The following MRPL37 variants were observed in gnomAD, a reference collection of about 807,000 sequenced individuals.
The protein encoded by MRPL37 is large ribosomal subunit protein mL37.
MRPL37 carries 34 observed loss-of-function variants against 44.1 expected under a neutral mutation model. That is an observed-to-expected ratio of 0.77 (90% CI 0.59 to 1.03). MRPL37 has a LOEUF of 1.03. Ranked by LOEUF, MRPL37 falls within the 50% of genes least tolerant of loss-of-function variation. MRPL37 has a pLI of 0.00. For missense variants in MRPL37, 532 were observed against 543.7 expected, an observed-to-expected ratio of 0.98 and a Z score of 0.21; for synonymous variants, 212 against 219.5, an observed-to-expected ratio of 0.97 and a Z score of 0.30.
chr1:54,225,313 C>G, downstream of MRPL37: 1 of 1,234,074 alleles, frequency 8.1e-7, no homozygotes, highest in Non-Finnish European at 1.0e-6. Flanking sequence ...GCAGACGCCT[C>G]AAACACAAAA....
At chr1:54,219,163 G>T (rs1013672835), downstream of MRPL37, among the ~76,000 whole-genome samples, 11 of 152,262 alleles carry the variant, frequency 7.2e-5, no homozygotes, top group Non-Finnish European at 1.6e-4. Flanking sequence ...AGGCAAGGGA[G>T]TTGAGCCTTC....
intron 5 of MRPL37, 142 bp downstream of exon 5, chr1:54,212,800 C>T: frequency 8.4e-7 from 1 of 1,184,404 alleles, no homozygotes; most frequent in South Asian, 1.5e-5. Flanking sequence ...TTCAGCCCAC[C>T]CTGTGGAGAT....
chr1:54,220,687 T>C, downstream of MRPL37: 2 of 471,540 alleles, frequency 4.2e-6, no homozygotes, highest in Non-Finnish European at 8.8e-6. Context: ...GGAGAGGAAG[T>C]GATGCAGCGG....
intron 3 of MRPL37, among the ~76,000 whole-genome samples, chr1:54,207,041 C>T (rs1018494240): frequency 3.9e-5 from 6 of 152,190 alleles, no homozygotes; most frequent in Non-Finnish European, 7.3e-5. Flanking sequence ...CGTGAGCCAC[C>T]GTGCTTGGCC....
Position 54,216,229 on chromosome 1 carries a change from A to G in MRPL37, c.1079A>G (p.Asn360Ser). Residue 360 changes from asparagine to serine, a missense_variant, in exon 6 of 7, where the codon AAT becomes AGT. Transcript: ENST00000360840. ...TTCCATTTCCTAGTGTTTCAACTGAATACCACAGACCTGGACTGTAACGAG... is the reference window on the plus strand; with the variant it reads ...TTCCATTTCCTAGTGTTTCAACTGAGTACCACAGACCTGGACTGTAACGAG... ...RVFHFLVFQL[N>S]TTDLDCNEGV... 6.2e-7 allele frequency: 1 copy of G among 1,614,188 alleles called. No individual in the cohort carries two copies. Among genetic ancestry groups the G allele is most frequent in the Non-Finnish European group, 8.5e-7 (1 of 1,180,038 alleles).
At chr1:54,201,148 T>C (rs1003194203) in intron 1 of MRPL37, among the ~76,000 whole-genome samples, 2 of 152,212 alleles carry the variant, frequency 1.3e-5, no homozygotes, top group Non-Finnish European at 2.9e-5. Context: ...CCAGAGTCCA[T>C]GGAGAAGCTT....
downstream of MRPL37, chr1:54,220,772 C>T (rs116523849): frequency 6.5e-4 from 307 of 471,412 alleles, no homozygotes; most frequent in African/African-American, 5.5e-3. Flanking sequence ...AGCAGGAGCA[C>T]GCTGCAGGGA....
At chr1:54,204,387 C>G (rs36086734) in intron 1 of MRPL37, among the ~76,000 whole-genome samples, 25,799 of 150,590 alleles carry the variant, frequency 0.17, 2,404 homozygotes, top group African/African-American at 0.23. Flanking sequence ...CAGAGCGAGA[C>G]TTTGTCTCAA....
intron 5 of MRPL37, among the ~76,000 whole-genome samples, chr1:54,215,921 G>T (rs1029651929): frequency 3.3e-5 from 5 of 152,158 alleles, no homozygotes; most frequent in Non-Finnish European, 5.9e-5. Context: ...TAGAAGAGCA[G>T]GCACCCTGGG....
chr1:54,205,280 CT>C lies in MRPL37; in HGVS notation c.531-10del. On this transcript the variant is annotated splice_polypyrimidine_tract_variant and intron_variant, in intron 2 of 6. Coordinates refer to ENST00000360840, the MANE Select transcript of MRPL37 (RefSeq NM_016491.4). ...TGTTGCTTTAAGTCCCCAAATGTCT[CT>C]TTTTGTCTTCAAGCCCGGTCATCGT... 6.2e-7 allele frequency: 1 copy of C among 1,610,754 alleles called. No individual in the cohort carries two copies. Among genetic ancestry groups the C allele is most frequent in the Non-Finnish European group, 8.5e-7 (1 of 1,177,438 alleles).
At chr1:54,203,035 G>C (rs1644095716) in intron 1 of MRPL37, among the ~76,000 whole-genome samples, 1 of 152,236 alleles carries the variant, frequency 6.6e-6, no homozygotes, top group Non-Finnish European at 1.5e-5. Context: ...TGGGGAAAGT[G>C]AAGCTAGGGA....
At chr1:54,222,542 C>T (rs980807719), downstream of MRPL37, among the ~76,000 whole-genome samples, 1 of 152,108 alleles carries the variant, frequency 6.6e-6, no homozygotes, top group Non-Finnish European at 1.5e-5. Context: ...GAAGCCCTCT[C>T]CTCTCTGCAC....
chr1:54,215,105 C>T (rs528149718), intron 5 of MRPL37, among the ~76,000 whole-genome samples: 1 of 152,272 alleles, frequency 6.6e-6, no homozygotes, highest in Non-Finnish European at 1.5e-5. Context: ...AACTGGATTG[C>T]TGCAAAGTCT....
At chr1:54,210,738 A>G (rs1390062400) in intron 4 of MRPL37, among the ~76,000 whole-genome samples, 22 of 152,032 alleles carry the variant, frequency 1.4e-4, no homozygotes, top group Admixed American at 1.4e-3. Context: ...CATAGCCACA[A>G]CCTAGGTCAG....
chr1:54,203,463 T>C (rs939535470), intron 1 of MRPL37, among the ~76,000 whole-genome samples: 1 of 150,752 alleles, frequency 6.6e-6, no homozygotes, highest in Non-Finnish European at 1.5e-5. Flanking sequence ...TTCTACTTCA[T>C]TTACTTTTTT....
intron 3 of MRPL37, 65 bp downstream of exon 3, chr1:54,205,475 C>A: frequency 7.8e-7 from 1 of 1,287,604 alleles, no homozygotes; most frequent in Non-Finnish European, 1.1e-6. Context: ...CTTAACCCCA[C>A]CACCAGCTCC....
chr1:54,211,001 G>A (rs1644161252), intron 4 of MRPL37, among the ~76,000 whole-genome samples: 1 of 152,024 alleles, frequency 6.6e-6, no homozygotes, highest in Non-Finnish European at 1.5e-5. Context: ...CTCCTCCCCT[G>A]CCTGCCCTGT....
At chr1:54,201,793 C>G (rs1368893355) in intron 1 of MRPL37, among the ~76,000 whole-genome samples, 1 of 152,176 alleles carries the variant, frequency 6.6e-6, no homozygotes, top group Non-Finnish European at 1.5e-5. Flanking sequence ...ATCTAACTTG[C>G]AGGTAAAGCT....
chr1:54,223,765 A>C (rs1381617612), downstream of MRPL37, among the ~76,000 whole-genome samples: 1 of 152,168 alleles, frequency 6.6e-6, no homozygotes, highest in Non-Finnish European at 1.5e-5. Context: ...CCGAAGCCCT[A>C]TTTTGTGGAA....
Sources: allele counts gnomAD v4.1 joint callset (sites outside exome capture counted in the v4.1 genomes callset), GRCh38; gene constraint gnomAD v4.1.1; transcripts MANE v1.5; gene names NCBI Gene and HGNC (gene_info 2026-07-23, HGNC 2026-07-21).